Variants in ERI1 observed in about 807,000 individuals in gnomAD.
ERI1 encodes exoribonuclease 1.
ERI1 carries 39 observed loss-of-function variants against 39.7 expected under a neutral mutation model. The observed-to-expected ratio is 0.98, with a 90% confidence interval of 0.76 to 1.28. ERI1 has a LOEUF of 1.28. ERI1 is among the 50% of genes most tolerant of loss of function. The probability of loss-of-function intolerance (pLI) is 0.00; values close to 1 mark genes in which losing one functional copy is unlikely to be tolerated. For synonymous variants in ERI1, 204 were observed against 149.6 expected, an observed-to-expected ratio of 1.36 and a Z score of -2.65; for missense variants, 581 against 416.9, an observed-to-expected ratio of 1.39 and a Z score of -3.43.
At chr8:9,070,192 T>C (rs1337780153) in intron 3 of ERI1, among the ~76,000 whole-genome samples, 3 of 151,610 alleles carry the variant, frequency 2.0e-5, no homozygotes, top group Non-Finnish European at 4.4e-5. Flanking sequence ...TGAGCTGAGA[T>C]TGCACCACTG....
intron 1 of ERI1, among the ~76,000 whole-genome samples, chr8:9,006,751 G>A (rs1458687868): frequency 1.3e-5 from 2 of 152,034 alleles, no homozygotes; most frequent in African/African-American, 2.4e-5. Flanking sequence ...TTCACACATT[G>A]GAACTGCTGA....
At chr8:9,026,919 A>G (rs1797206517) in intron 6 of ERI1, among the ~76,000 whole-genome samples, 1 of 152,170 alleles carries the variant, frequency 6.6e-6, no homozygotes, top group African/African-American at 2.4e-5. Flanking sequence ...TGTTTTGGCA[A>G]TCATGAATAG....
intron 6 of ERI1, among the ~76,000 whole-genome samples, chr8:9,023,745 T>C (rs1818172899): frequency 6.6e-6 from 1 of 151,610 alleles, no homozygotes; most frequent in African/African-American, 2.4e-5. Flanking sequence ...GCTAATAAGG[T>C]ATATTATATG....
At chr8:9,090,142 T>G (rs1799660222) in intron 3 of ERI1, among the ~76,000 whole-genome samples, 1 of 152,150 alleles carries the variant, frequency 6.6e-6, no homozygotes, top group Non-Finnish European at 1.5e-5. Context: ...CACCTTCTCC[T>G]TGTAAGCAAA....
intron 3 of ERI1, among the ~76,000 whole-genome samples, chr8:9,042,424 CAG>C (rs1323435689): frequency 6.6e-6 from 1 of 152,156 alleles, no homozygotes; most frequent in African/African-American, 2.4e-5. Context: ...AAGAAACAAA[CAG>C]ATGCTTATTT....
At chr8:9,014,249 T>G (rs1016233246) in intron 3 of ERI1, among the ~76,000 whole-genome samples, 1 of 152,208 alleles carries the variant, frequency 6.6e-6, no homozygotes, top group Non-Finnish European at 1.5e-5. Flanking sequence ...GCCAGGACTT[T>G]AGCTCCAGTT....
At position 9,030,065 on chromosome 8, in the gene ERI1, G is replaced by A. The variant is rs758486071; in HGVS notation, c.*31G>A. 6.2e-7 allele frequency: 1 copy of A among 1,607,668 alleles called. No homozygotes were observed. On this transcript the variant is annotated 3_prime_UTR_variant, in exon 7 of 7. Coordinates refer to ENST00000250263, the MANE Select transcript of ERI1 (RefSeq NM_153332.4). ...GTTTTGTGTGTGGATCATTCCAATT[G>A]AAGTTGCTATGAAGAGGTAGCAGAT...
intron 3 of ERI1, among the ~76,000 whole-genome samples, chr8:9,057,319 G>A (rs191729567): frequency 6.6e-6 from 1 of 152,104 alleles, no homozygotes; most frequent in Non-Finnish European, 1.5e-5. Flanking sequence ...TCCTGTGTAC[G>A]TGTTAGCCAC....
chr8:9,015,261 A>G (rs1817110526), intron 3 of ERI1, among the ~76,000 whole-genome samples: 1 of 152,152 alleles, frequency 6.6e-6, no homozygotes, highest in Non-Finnish European at 1.5e-5. Flanking sequence ...AACTTTTCTT[A>G]ATTTTTAAAT....
intron 1 of ERI1, among the ~76,000 whole-genome samples, chr8:9,005,768 A>G (rs1033494330): frequency 6.6e-6 from 1 of 152,216 alleles, no homozygotes; most frequent in African/African-American, 2.4e-5. Flanking sequence ...TGCTGGGATT[A>G]CAGGCGTGAG....
In ERI1 at chr8:9,031,322, A is replaced by G. The variant is rs1797573740; in HGVS notation, c.*1288A>G. On this transcript the variant is annotated 3_prime_UTR_variant, in exon 7 of 7. Transcript: ENST00000250263. Reference sequence around the variant, plus strand: ...GGCGTGGGAATTCTCTACATAGGGCAGTAGATTTCTTAAGCCAATGAATTT... The same window carrying G: ...GGCGTGGGAATTCTCTACATAGGGCGGTAGATTTCTTAAGCCAATGAATTT... 1 of 152,234 alleles carries G rather than the reference A, an allele frequency of 6.6e-6. No homozygotes were observed. Among genetic ancestry groups the G allele is most frequent in the South Asian group, 2.1e-4 (1 of 4,830 alleles). The allele number at this position is 152,234 out of a possible 1,614,324, so 9.4% of individuals were successfully genotyped here.
At chr8:9,076,702 C>G (rs900167136) in intron 3 of ERI1, among the ~76,000 whole-genome samples, 1 of 152,136 alleles carries the variant, frequency 6.6e-6, no homozygotes, top group Admixed American at 6.6e-5. Flanking sequence ...GGTGGAAAAG[C>G]CACTTCAGTG....
chr8:9,024,537 C>T (rs113477696), intron 6 of ERI1, among the ~76,000 whole-genome samples: 1,728 of 152,238 alleles, frequency 0.011, 33 homozygotes, highest in South Asian at 0.089. Flanking sequence ...TCTCCTGCCT[C>T]AGCGTCTCAA....
chr8:9,084,217 G>A (rs541026261), intron 3 of ERI1, among the ~76,000 whole-genome samples: 34 of 152,210 alleles, frequency 2.2e-4, no homozygotes, highest in Non-Finnish European at 4.7e-4. Flanking sequence ...GTGAGCTTTC[G>A]TGGCATTACT....
intron 6 of ERI1, 70 bp from the exon 7 acceptor site, chr8:9,029,722 C>T: frequency 6.4e-7 from 1 of 1,555,954 alleles, no homozygotes; most frequent in Non-Finnish European, 8.8e-7. Context: ...TCTTATTTTT[C>T]ATCTTAACTG....
chr8:9,044,740 A>C (rs993868015), intron 3 of ERI1, among the ~76,000 whole-genome samples: 1 of 152,044 alleles, frequency 6.6e-6, no homozygotes, highest in Non-Finnish European at 1.5e-5. Flanking sequence ...AGAAACATGA[A>C]ACACCACTGG....
chr8:9,098,653 C>T (rs557643244), intron 3 of ERI1, among the ~76,000 whole-genome samples: 91 of 152,112 alleles, frequency 6.0e-4, no homozygotes, highest in African/African-American at 2.0e-3. Context: ...GCACCAAAAT[C>T]ACAGAAGTCA....
chr8:9,014,420 C>G (rs1035548109), intron 3 of ERI1, among the ~76,000 whole-genome samples: 1 of 152,174 alleles, frequency 6.6e-6, no homozygotes, highest in Non-Finnish European at 1.5e-5. Context: ...CCCCTTACTG[C>G]TCTACTTTCC....
At chr8:9,003,477 C>T (rs1025143379) in intron 1 of ERI1, among the ~76,000 whole-genome samples, 14 of 152,352 alleles carry the variant, frequency 9.2e-5, no homozygotes, top group African/African-American at 3.1e-4. Flanking sequence ...GCTGTTGTCA[C>T]TCCATGTAGC....
Sources: gnomAD v4.1 joint callset for allele counts (sites outside exome capture counted in the v4.1 genomes callset) on GRCh38, gnomAD v4.1.1 for gene constraint, MANE v1.5 for transcripts, NCBI Gene and HGNC (gene_info 2026-07-23, HGNC 2026-07-21) for gene names.